The following SYDE2 variants were observed in gnomAD, a reference collection of about 807,000 sequenced individuals.
The protein encoded by SYDE2 is rho GTPase-activating protein SYDE2.
In SYDE2, 76 loss-of-function variants were observed where a neutral mutation model predicts 91.5. That is an observed-to-expected ratio of 0.83 (90% CI 0.69 to 1.01). The LOEUF is 1.01. Ranked by LOEUF, SYDE2 falls within the 50% of genes least tolerant of loss-of-function variation. The pLI, the probability that SYDE2 is intolerant of heterozygous loss-of-function variation, is 0.00. For synonymous variants in SYDE2, 513 were observed against 506.4 expected (o/e 1.01, Z -0.18); for missense variants, 1,364 against 1,367.7 (o/e 1.00, Z 0.04).
At chr1:85,193,772 C>T (rs999064228) in intron 1 of SYDE2, among the ~76,000 whole-genome samples, 1 of 152,076 alleles carries the variant, frequency 6.6e-6, no homozygotes, top group African/African-American at 2.4e-5. Context: ...TACAGGCTTG[C>T]ACCACCACAC....
At chr1:85,156,265 G>T (rs1043577130), downstream of SYDE2, among the ~76,000 whole-genome samples, 3 of 151,906 alleles carry the variant, frequency 2.0e-5, no homozygotes, top group Non-Finnish European at 4.4e-5. Flanking sequence ...AAACATTAGG[G>T]GCTGGGCATA....
chr1:85,197,716 A>T (rs184003764), intron 1 of SYDE2, among the ~76,000 whole-genome samples: 5 of 152,220 alleles, frequency 3.3e-5, no homozygotes, highest in Admixed American at 2.0e-4. Context: ...GTGCAGTGAC[A>T]CGATCTTGGC....
intron 2 of SYDE2, 80 bp downstream of exon 2, chr1:85,189,977 C>A: frequency 1.4e-5 from 15 of 1,093,808 alleles, no homozygotes; most frequent in Non-Finnish European, 1.7e-5. Context: ...TAACAAACAT[C>A]TTTTATATTT....
In SYDE2 at chr1:85,182,273, A is replaced by G; in HGVS notation, c.2369T>C (p.Val790Ala). 1 of 1,613,158 alleles carries G rather than the reference A, an allele frequency of 6.2e-7. No individual in the cohort carries two copies. Among genetic ancestry groups the G allele is most frequent in the Non-Finnish European group, 8.5e-7 (1 of 1,179,646 alleles). Reference sequence around the variant, plus strand: ...CCACTGTTCCATAAGAGTCACTTTCACATAAATAAGACCTCTAGGTTCAAG... The same window carrying G: ...CCACTGTTCCATAAGAGTCACTTTCGCATAAATAAGACCTCTAGGTTCAAG... Reference protein sequence around the residue: ...VKLEPRGLIYVKVTLMEQWEN... With the variant: ...VKLEPRGLIYAKVTLMEQWEN... Residue 790 changes from valine (V) to alanine (A), a missense_variant, in exon 3 of 7, where the codon GTG (valine) becomes GCG (alanine). Coordinates refer to ENST00000341460, the MANE Select transcript of SYDE2 (RefSeq NM_032184.2).
chr1:85,196,026 G>C (rs976681162), intron 1 of SYDE2, among the ~76,000 whole-genome samples: 19 of 152,172 alleles, frequency 1.2e-4, no homozygotes, highest in African/African-American at 4.1e-4. Flanking sequence ...TGTCCTATAC[G>C]GCCTCCTCTC....
chr1:85,200,832 A>C lies in SYDE2; in HGVS notation c.165T>G (p.Pro55=). ...ACCGGGGCGGGGACACCTGCTGCCG[A>C]GGGCGTCCGCCGCCTCCCCGCTCCC... ...RDGERGGGGR[P]RQQVSPPRSP... The change falls in exon 1 of 7, where the codon CCT becomes CCG. Residue 55 remains proline, a synonymous_variant. Coordinates refer to ENST00000341460, the MANE Select transcript of SYDE2 (RefSeq NM_032184.2). 1.4e-6 allele frequency: 2 copies of C among 1,400,548 alleles called. No individual in the cohort carries two copies. Among genetic ancestry groups the C allele is most frequent in the Non-Finnish European group, 1.8e-6 (2 of 1,085,644 alleles). The allele number at this position is 1,400,548 out of a possible 1,614,324, so 86.8% of individuals were successfully genotyped here. A position where few individuals can be genotyped will look rare whatever the true frequency, so the allele number is the denominator to read the frequency against.
At chr1:85,155,296 TA>T (rs1228041499), downstream of SYDE2, among the ~76,000 whole-genome samples, 3 of 152,184 alleles carry the variant, frequency 2.0e-5, no homozygotes, top group African/African-American at 7.2e-5. Context: ...AATTCAATAG[TA>T]TGATTAAAAG....
At position 85,183,219 on chromosome 1, in the gene SYDE2, A is replaced by T; in HGVS notation, c.1442-19T>A. 6.6e-7 allele frequency: 1 copy of T among 1,518,488 alleles called. No individual in the cohort carries two copies. Among genetic ancestry groups the T allele is most frequent in the East Asian group, 2.3e-5 (1 of 43,774 alleles). 94.1% of individuals were successfully genotyped at this position (1,518,488 alleles called of 1,614,324 possible). Reference sequence around the variant, plus strand: ...CCAGAACCTTAAAAGAAAGAAAGAAAAATACGTTATAAAGCAATATGTTTT... The same window carrying T: ...CCAGAACCTTAAAAGAAAGAAAGAATAATACGTTATAAAGCAATATGTTTT... On this transcript the variant is annotated intron_variant, in intron 2 of 6. Coordinates refer to ENST00000341460, the MANE Select transcript of SYDE2 (RefSeq NM_032184.2).
chr1:85,159,903 G>A (rs1656995301), intron 6 of SYDE2: 2 of 983,434 alleles, frequency 2.0e-6, no homozygotes, highest in South Asian at 9.4e-5. Context: ...TTCTCATTCT[G>A]GTTAGGTATT....
intron 5 of SYDE2, among the ~76,000 whole-genome samples, chr1:85,168,436 CTTCTA>C (rs1386287178): frequency 1.3e-5 from 2 of 152,194 alleles, no homozygotes; most frequent in African/African-American, 4.8e-5. Flanking sequence ...CCTATTTTCC[CTTCTA>C]TTCTAAGGAA....
At chr1:85,155,009 C>CAAAAAAAAA, downstream of SYDE2, among the ~76,000 whole-genome samples, 2 of 80,666 alleles carry the variant, frequency 2.5e-5, no homozygotes, top group Non-Finnish European at 4.6e-5. Context: ...AAGAATGCAG[C>CAAAAAAAAA]AAAAAAAAAA....
chr1:85,172,693 T>G (rs977439618), intron 4 of SYDE2, among the ~76,000 whole-genome samples: 2 of 152,110 alleles, frequency 1.3e-5, no homozygotes, highest in Non-Finnish European at 2.9e-5. Context: ...TGGAGAGACT[T>G]TGCAGGTCGC....
chr1:85,184,059 C>T (rs1044998945), intron 2 of SYDE2, among the ~76,000 whole-genome samples: 14 of 152,124 alleles, frequency 9.2e-5, no homozygotes, highest in Non-Finnish European at 1.9e-4. Context: ...ATTCCACAGT[C>T]GCTTAAAATT....
chr1:85,194,820 C>G (rs1039707572), intron 1 of SYDE2: 1 of 985,044 alleles, frequency 1.0e-6, no homozygotes, highest in Non-Finnish European at 1.2e-6. Flanking sequence ...GCTCAAATGC[C>G]ATCAGCAAAT....
At chr1:85,168,428 T>C (rs927816297) in intron 5 of SYDE2, among the ~76,000 whole-genome samples, 1 of 152,228 alleles carries the variant, frequency 6.6e-6, no homozygotes, top group Non-Finnish European at 1.5e-5. Flanking sequence ...ACATTTCTCC[T>C]ATTTTCCCTT....
At chr1:85,191,739 CAG>C (rs992485918) in intron 1 of SYDE2, among the ~76,000 whole-genome samples, 3 of 133,726 alleles carry the variant, frequency 2.2e-5, no homozygotes, top group African/African-American at 8.6e-5. Context: ...GCCTGGGTAA[CAG>C]AGCGAGATTC....
At chr1:85,155,343 G>A (rs181339121), downstream of SYDE2, among the ~76,000 whole-genome samples, 480 of 152,198 alleles carry the variant, frequency 3.2e-3, 2 homozygotes, top group African/African-American at 0.011. Flanking sequence ...TTCTTCTGTC[G>A]AGAAATAAAA....
downstream of SYDE2, among the ~76,000 whole-genome samples, chr1:85,154,793 A>AAGGT (rs1261130152): frequency 6.6e-6 from 1 of 152,018 alleles, no homozygotes; most frequent in Non-Finnish European, 1.5e-5. Context: ...TGGATGCTTG[A>AAGGT]AGGTAATAGT....
At chr1:85,186,971 TAA>T (rs1658166063) in intron 2 of SYDE2, among the ~76,000 whole-genome samples, 1 of 152,118 alleles carries the variant, frequency 6.6e-6, no homozygotes, top group East Asian at 1.9e-4. Context: ...ACTTCATGTC[TAA>T]AACACCAAAA....
Sources: allele counts gnomAD v4.1 joint callset (sites outside exome capture counted in the v4.1 genomes callset), GRCh38; gene constraint gnomAD v4.1.1; transcripts MANE v1.5; gene names NCBI Gene and HGNC (gene_info 2026-07-23, HGNC 2026-07-21).